TRPC4AP: variants seen among roughly 807,000 people sequenced by gnomAD.
TRPC4AP encodes the protein transient receptor potential cation channel subfamily C member 4 associated protein, also known as short transient receptor potential channel 4-associated protein.
In TRPC4AP, 45 loss-of-function variants were observed where a neutral mutation model predicts 99.0. That is an observed-to-expected ratio of 0.45 (90% CI 0.36 to 0.58). TRPC4AP has a LOEUF of 0.58. Ranked by LOEUF, TRPC4AP falls within the 20% of genes least tolerant of loss-of-function variation. The probability of loss-of-function intolerance (pLI) is 0.00; values close to 1 mark genes in which losing one functional copy is unlikely to be tolerated. For synonymous variants in TRPC4AP, 408 were observed against 385.8 expected, an observed-to-expected ratio of 1.06 and a Z score of -0.67; for missense variants, 879 against 985.3, an observed-to-expected ratio of 0.89 and a Z score of 1.44.
Position 35,008,744 on chromosome 20 carries a change from A to G in TRPC4AP, c.1515T>C (p.Ser505=). The change falls in exon 13 of 19, where the codon AGT becomes AGC. Residue 505 remains serine (S), a synonymous_variant. Transcript: ENST00000252015. ...AGCCCCTCTTCCCATCACACACCAA[A>G]CTCCTGAAATAGAAGAGAGATATTG... ...EVEAVLNTDR[S]LVCDGKRGLL... The G allele has an allele frequency of 1.2e-6, 2 of 1,612,558 alleles. No homozygotes were observed. The highest frequency in any genetic ancestry group is 1.7e-6 in the Non-Finnish European group (2 of 1,179,342).
chr20:35,027,529 C>T (rs2083061969), intron 8 of TRPC4AP, among the ~76,000 whole-genome samples: 1 of 152,134 alleles, frequency 6.6e-6, no homozygotes, highest in African/African-American at 2.4e-5. Flanking sequence ...ATAATATGAC[C>T]TCAAAGAGTA....
chr20:35,071,992 T>A (rs2084330065), intron 2 of TRPC4AP, among the ~76,000 whole-genome samples: 1 of 152,238 alleles, frequency 6.6e-6, no homozygotes, highest in Non-Finnish European at 1.5e-5. Flanking sequence ...TAGTGTGAGA[T>A]GGTATCTCAT....
chr20:35,054,189 G>GT (rs11430339), intron 5 of TRPC4AP, among the ~76,000 whole-genome samples: 143,720 of 146,930 alleles, frequency 0.98, 70,300 homozygotes, highest in Non-Finnish European at 0.99. Flanking sequence ...GGAGCTAAAT[G>GT]TTTTTTTTTT....
At chr20:35,020,169 T>C (rs1488214401) in intron 9 of TRPC4AP, among the ~76,000 whole-genome samples, 2 of 152,188 alleles carry the variant, frequency 1.3e-5, no homozygotes, top group East Asian at 1.9e-4. Context: ...CCACCATCAA[T>C]GTGCTGGTCC....
chr20:35,036,167 G>A (rs1032767323), intron 7 of TRPC4AP, among the ~76,000 whole-genome samples: 1 of 152,162 alleles, frequency 6.6e-6, no homozygotes, highest in Middle Eastern at 3.2e-3. Flanking sequence ...TGGAGGCAGG[G>A]AGATCCAGAT....
At chr20:35,080,806 T>TTTGTG (rs145679228) in intron 1 of TRPC4AP, among the ~76,000 whole-genome samples, 1 of 27,054 alleles carries the variant, frequency 3.7e-5, no homozygotes, top group East Asian at 1.6e-3. Flanking sequence ...ACACTTCAGT[T>TTTGTG]TTTTTTTTTT....
chr20:35,011,634 A>C (rs1262476333), intron 11 of TRPC4AP, among the ~76,000 whole-genome samples: 1 of 64,166 alleles, frequency 1.6e-5, no homozygotes, highest in Non-Finnish European at 4.6e-5. Flanking sequence ...TGTGACCCAC[A>C]ACACCCTGTG....
intron 7 of TRPC4AP, among the ~76,000 whole-genome samples, chr20:35,039,286 T>C (rs2083396124): frequency 6.6e-6 from 1 of 152,162 alleles, no homozygotes. Flanking sequence ...AAGTGCCCGG[T>C]ACTCAGGGTT....
intron 2 of TRPC4AP, among the ~76,000 whole-genome samples, chr20:35,076,721 T>G (rs112143958): frequency 2.0e-5 from 3 of 152,346 alleles, no homozygotes; most frequent in African/African-American, 7.2e-5. Context: ...AGGGACCCAC[T>G]TGAGGAGGCA....
At position 35,013,027 on chromosome 20, in the gene TRPC4AP, T is replaced by G; in HGVS notation, c.1390A>C (p.Ser464Arg). The change falls in exon 11 of 19, where the codon AGC becomes CGC. Residue 464 changes from serine (S) to arginine (R), a missense_variant. Coordinates refer to ENST00000252015, the MANE Select transcript of TRPC4AP (RefSeq NM_015638.3). The part of the protein sequence containing the change: ...LKIQFLRLLQ[S>R]FSDHHENKYL... Reference sequence around the variant, plus strand: ...ACTTACTCGTGGTGGTCACTGAAGCTCTGAAGAAGCCTCAAAAACTGTATC... The same window carrying G: ...ACTTACTCGTGGTGGTCACTGAAGCGCTGAAGAAGCCTCAAAAACTGTATC... 1.2e-6 allele frequency: 2 copies of G among 1,614,032 alleles called. No homozygotes were observed. Among genetic ancestry groups the G allele is most frequent in the South Asian group, 2.2e-5 (2 of 91,078 alleles).
intron 13 of TRPC4AP, among the ~76,000 whole-genome samples, chr20:35,008,354 C>G (rs2082558638): frequency 6.6e-6 from 1 of 152,308 alleles, no homozygotes; most frequent in African/African-American, 2.4e-5. Context: ...TTCCTTCCCA[C>G]ACTGCATTGA....
At chr20:35,004,185 C>A (rs554219098) in intron 17 of TRPC4AP, among the ~76,000 whole-genome samples, 2 of 152,194 alleles carry the variant, frequency 1.3e-5, no homozygotes, top group Non-Finnish European at 2.9e-5. Flanking sequence ...CAAAGCCCAG[C>A]AGGGCAGAAG....
chr20:35,071,554 T>C (rs1015676815), intron 2 of TRPC4AP, among the ~76,000 whole-genome samples: 12 of 151,546 alleles, frequency 7.9e-5, no homozygotes, highest in Non-Finnish European at 1.3e-4. Flanking sequence ...TCCTTAACGA[T>C]AGTTTGCTCA....
chr20:35,037,655 T>C (rs2083351820), intron 7 of TRPC4AP, among the ~76,000 whole-genome samples: 1 of 152,214 alleles, frequency 6.6e-6, no homozygotes, highest in Non-Finnish European at 1.5e-5. Context: ...AGAAACCAGA[T>C]TCAGAAGGCC....
chr20:35,080,013 TAAAAAA>T (rs71196785), intron 1 of TRPC4AP, among the ~76,000 whole-genome samples: 2 of 93,870 alleles, frequency 2.1e-5, no homozygotes, highest in African/African-American at 4.3e-5. Context: ...CAGAGCAAGA[TAAAAAA>T]AAAAAAAAAA....
chr20:35,086,533 G>GTATATATATATGTGTATATATATATATA (rs1308760481), intron 1 of TRPC4AP, among the ~76,000 whole-genome samples: 1 of 73,474 alleles, frequency 1.4e-5, no homozygotes, highest in Non-Finnish European at 2.5e-5. Flanking sequence ...ATATGTGTGT[G>GTATATATATATGTGTATATATATATATA]TGTGTGTGTG....
At chr20:35,059,247 C>A (rs1267159121) in intron 3 of TRPC4AP, among the ~76,000 whole-genome samples, 2 of 152,164 alleles carry the variant, frequency 1.3e-5, no homozygotes, top group Non-Finnish European at 2.9e-5. Context: ...TTACCACCAA[C>A]CTTATGGCAA....
chr20:35,065,869 T>C (rs1188445405), intron 3 of TRPC4AP, among the ~76,000 whole-genome samples: 2 of 152,194 alleles, frequency 1.3e-5, no homozygotes, highest in Non-Finnish European at 2.9e-5. Flanking sequence ...ACTAAGTAGA[T>C]TTCTTGATGA....
chr20:35,035,739 C>A (rs2083302274), intron 7 of TRPC4AP, among the ~76,000 whole-genome samples: 1 of 152,144 alleles, frequency 6.6e-6, no homozygotes, highest in African/African-American at 2.4e-5. Context: ...TACAATGACA[C>A]ATTTATACAA....
Sources: allele counts gnomAD v4.1 joint callset (sites outside exome capture counted in the v4.1 genomes callset), GRCh38; gene constraint gnomAD v4.1.1; transcripts MANE v1.5; gene names NCBI Gene and HGNC (gene_info 2026-07-23, HGNC 2026-07-21).